Variants in DDI2 observed in about 807,000 individuals in gnomAD.
DDI2 encodes the protein protein DDI1 homolog 2.
In DDI2, 5 loss-of-function variants were observed where a neutral mutation model predicts 48.1. That is an observed-to-expected ratio of 0.10 (90% CI 0.05 to 0.22). The LOEUF is 0.22. DDI2 is among the 10% of genes least tolerant of loss of function. The pLI is 1.00. For synonymous variants in DDI2, 205 were observed against 183.6 expected (o/e 1.12, Z -0.94); for missense variants, 285 against 506.2 (o/e 0.56, Z 4.19).
In DDI2 at chr1:15,660,158, T is replaced by C. The variant is rs759968393; in HGVS notation, c.*368T>C. 6.2e-7 allele frequency: 1 copy of C among 1,614,240 alleles called. No individual in the cohort carries two copies. Among genetic ancestry groups the C allele is most frequent in the South Asian group, 1.1e-5 (1 of 91,088 alleles). On this transcript the variant is annotated 3_prime_UTR_variant, in exon 10 of 10. Transcript: ENST00000480945. ...ACAGACCAGAGTCCAGCTATGCCTA[T>C]GCAGAATTCATCCGAAGAAATAACT...
rs1640352252 is a variant in DDI2 at position 15,660,515 on chromosome 1, T to C, written c.*725T>C. On this transcript the variant is annotated 3_prime_UTR_variant, in exon 10 of 10. Coordinates refer to ENST00000480945, the MANE Select transcript of DDI2 (RefSeq NM_032341.5). Reference sequence around the variant, plus strand: ...AAAATTGTTGATTTGGAAGCTACGATGAAAGGAAATGGGCTCCCACAGAAT... The same window carrying C: ...AAAATTGTTGATTTGGAAGCTACGACGAAAGGAAATGGGCTCCCACAGAAT... 1.2e-6 allele frequency: 2 copies of C among 1,613,446 alleles called. No individual in the cohort carries two copies. Among genetic ancestry groups the C allele is most frequent in the African/African-American group, 1.3e-5 (1 of 74,860 alleles).
Position 15,652,058 on chromosome 1 carries a change from C to CTTTTTTTTTTTTTTTTTTTTT in DDI2, c.1183+167_1183+187dup, listed in dbSNP as rs772990709. Among the ~76,000 whole-genome samples, 10 of 75,980 alleles carry CTTTTTTTTTTTTTTTTTTTTT rather than the reference C, an allele frequency of 1.3e-4. 1 individual carries two copies. Among genetic ancestry groups the CTTTTTTTTTTTTTTTTTTTTT allele is most frequent in the African/African-American group, 6.6e-4 (10 of 15,224 alleles). The allele number at this position is 75,980 out of a possible 152,430, so 49.8% of individuals were successfully genotyped here. ...TTCTTAACCTCCTTCTTTGATCTTCCTTTTTTTTTTTTTTTTTTTTTTTTG... is the reference window on the plus strand; with the variant it reads ...TTCTTAACCTCCTTCTTTGATCTTCCTTTTTTTTTTTTTTTTTTTTTTTTTTTTTTTTTTTTTTTTTTTTTG... On this transcript the variant is annotated intron_variant, in intron 8 of 9. Transcript: ENST00000480945.
At chr1:15,656,513 T>C in intron 8 of DDI2, 104 bp from the exon 9 acceptor site, 2 of 1,607,306 alleles carry the variant, frequency 1.2e-6, no homozygotes, top group South Asian at 2.2e-5. Flanking sequence ...AATCTACCAG[T>C]TCCTGATTTT....
At chr1:15,619,019 T>A (rs1336873424) in intron 1 of DDI2, among the ~76,000 whole-genome samples, 1 of 152,220 alleles carries the variant, frequency 6.6e-6, no homozygotes, top group South Asian at 2.1e-4. Context: ...AAAAAGTTAA[T>A]CCACAAAAGC....
intron 4 of DDI2, 65 bp from the exon 5 acceptor site, chr1:15,638,242 C>A: frequency 6.2e-7 from 1 of 1,603,694 alleles, no homozygotes; most frequent in Non-Finnish European, 8.5e-7. Flanking sequence ...AATATTGTGA[C>A]TTTGAAACTG....
chr1:15,658,772 C>A (rs569923519), intron 9 of DDI2, among the ~76,000 whole-genome samples: 56 of 140,248 alleles, frequency 4.0e-4, no homozygotes, highest in Non-Finnish European at 6.8e-4. Flanking sequence ...AAAAAAAATT[C>A]TTACACTTAC....
chr1:15,623,387 C>CT (rs777821777), intron 1 of DDI2, among the ~76,000 whole-genome samples: 22,547 of 107,418 alleles, frequency 0.21, 2,533 homozygotes, highest in African/African-American at 0.23. Flanking sequence ...TTTTCTTCTT[C>CT]TTTTTTTTTT....
In DDI2 at chr1:15,628,839, C is replaced by G. The variant is rs368872429; in HGVS notation, c.269-1486C>G. Among the ~76,000 whole-genome samples the G allele has an allele frequency of 3.2e-4, 49 of 152,164 alleles. 4 individuals are homozygous for G. Among genetic ancestry groups the G allele is most frequent in the Admixed American group, 2.4e-3 (36 of 15,274 alleles). Reference sequence around the variant, plus strand: ...ATTACCTTAAAAAGAAATCCTATACCCATTTATAGTCATTTCCCATTTCCC... The same window carrying G: ...ATTACCTTAAAAAGAAATCCTATACGCATTTATAGTCATTTCCCATTTCCC... On this transcript the variant is annotated intron_variant, in intron 2 of 9. Coordinates refer to ENST00000480945, the MANE Select transcript of DDI2 (RefSeq NM_032341.5).
Position 15,660,306 on chromosome 1 carries a change from T to G in DDI2, c.*516T>G, listed in dbSNP as rs747747982. On this transcript the variant is annotated 3_prime_UTR_variant, in exon 10 of 10. Transcript: ENST00000480945. Reference sequence around the variant, plus strand: ...CTAGGATGCATGAACCACAGATGTTTCTAGGTGAAAAGGATTGGCATCCAG... The same window carrying G: ...CTAGGATGCATGAACCACAGATGTTGCTAGGTGAAAAGGATTGGCATCCAG... 1 of 1,614,158 alleles carries G rather than the reference T, an allele frequency of 6.2e-7. No homozygotes were observed. The highest frequency in any genetic ancestry group is 2.2e-5 in the East Asian group (1 of 44,886).
intron 5 of DDI2, among the ~76,000 whole-genome samples, chr1:15,640,034 A>C (rs1399469823): frequency 6.6e-6 from 1 of 151,696 alleles, no homozygotes; most frequent in East Asian, 1.9e-4. Context: ...AAAAAAAAAG[A>C]GTTTGTATCT....
rs915352177 is a variant in DDI2 at position 15,629,788 on chromosome 1, A to G, written c.269-537A>G. Among the ~76,000 whole-genome samples, 27 of 149,746 alleles carry G rather than the reference A, an allele frequency of 1.8e-4. No homozygotes were observed. In the South Asian group the frequency reaches 3.8e-3, roughly 21 times the overall value. ...CTCTTGTTGCCTGGGCTGGAGTGCA[A>G]TGGCGCCATCTCGGCTCACTGCAAC... On this transcript the variant is annotated intron_variant, in intron 2 of 9. Coordinates refer to ENST00000480945, the MANE Select transcript of DDI2 (RefSeq NM_032341.5).
chr1:15,652,413 C>G (rs374753665), intron 8 of DDI2, among the ~76,000 whole-genome samples: 1 of 127,220 alleles, frequency 7.9e-6, no homozygotes, highest in Non-Finnish European at 1.6e-5. Context: ...CGTGGTGGCT[C>G]ACGCCTGTTA....
chr1:15,620,192 T>C (rs1353246758), intron 1 of DDI2, among the ~76,000 whole-genome samples: 1 of 152,214 alleles, frequency 6.6e-6, no homozygotes, highest in Non-Finnish European at 1.5e-5. Flanking sequence ...CTGTATTAGA[T>C]AGCCATAAAC....
intron 6 of DDI2, 123 bp downstream of exon 6, chr1:15,643,773 T>C (rs1640044911): frequency 1.5e-6 from 2 of 1,363,246 alleles, no homozygotes; most frequent in East Asian, 5.0e-5. Flanking sequence ...AAATTTCTTT[T>C]GTGTGGGTAT....
At chr1:15,659,787 A>AAT in intron 9 of DDI2, 50 bp from the exon 10 acceptor site, 1 of 1,474,444 alleles carries the variant, frequency 6.8e-7, no homozygotes. Flanking sequence ...ATTTAGTGGC[A>AAT]TTAGTCACCT....
At chr1:15,626,585 G>A (rs1237556409) in intron 1 of DDI2, 84 bp from the exon 2 acceptor site, 1 of 1,569,424 alleles carries the variant, frequency 6.4e-7, no homozygotes, top group Non-Finnish European at 8.7e-7. Flanking sequence ...GGTGACATCT[G>A]ATTCAGGGGA....
intron 1 of DDI2, among the ~76,000 whole-genome samples, chr1:15,620,806 T>TATA (rs1211136002): frequency 6.6e-6 from 1 of 152,158 alleles, no homozygotes; most frequent in Non-Finnish European, 1.5e-5. Flanking sequence ...TAAAGTAACA[T>TATA]TGTACACACA....
At chr1:15,633,780 T>G (rs1570973199) in intron 4 of DDI2, 1 of 636,358 alleles carries the variant, frequency 1.6e-6, no homozygotes, top group Non-Finnish European at 2.7e-6. Context: ...TTAATGACTT[T>G]CTTTCTAAAA....
At chr1:15,639,014 T>G (rs1179219722) in intron 5 of DDI2, among the ~76,000 whole-genome samples, 1 of 152,186 alleles carries the variant, frequency 6.6e-6, no homozygotes, top group Non-Finnish European at 1.5e-5. Context: ...AAGAAGGAGC[T>G]ATAAAAGGAG....
Sources: gnomAD v4.1 joint callset for allele counts (sites outside exome capture counted in the v4.1 genomes callset) on GRCh38, gnomAD v4.1.1 for gene constraint, MANE v1.5 for transcripts, NCBI Gene and HGNC (gene_info 2026-07-23, HGNC 2026-07-21) for gene names.